TRMU: variants seen among roughly 807,000 people sequenced by gnomAD.
TRMU encodes the protein tRNA mitochondrial 2-thiouridylase.
In TRMU, 49 loss-of-function variants were observed where a neutral mutation model predicts 46.9. The observed-to-expected ratio is 1.05, with a 90% CI of 0.83 to 1.33. TRMU has a LOEUF of 1.33. Ranked by LOEUF, TRMU falls within the 40% of genes most tolerant of loss-of-function variation. TRMU has a pLI of 0.00. For synonymous variants in TRMU, 241 were observed against 200.9 expected, an observed-to-expected ratio of 1.20 and a Z score of -1.69; for missense variants, 572 against 532.4, an observed-to-expected ratio of 1.07 and a Z score of -0.73.
At position 46,348,034 on chromosome 22, in the gene TRMU, A is replaced by G. The variant is rs9615955; in HGVS notation, c.478+1490A>G. 0.067 allele frequency among the ~76,000 whole-genome samples: 10,099 copies of G among 151,718 alleles called. 465 individuals are homozygous for G. The highest frequency in any genetic ancestry group is 0.1 in the Non-Finnish European group (6,880 of 67,796). On this transcript the variant is annotated intron_variant, in intron 4 of 10. Coordinates refer to ENST00000645190, the MANE Select transcript of TRMU (RefSeq NM_018006.5). This position sits in a 1 kb window ranked among gnomAD's most constrained non-coding sequence, Gnocchi z 4.8. ...CCAGAGAAGAGCAGCCCACTCCCGT[A>G]AGACAGCCCCCCATTTCAGGAAGAC...
Position 46,350,246 on chromosome 22 carries a change from A to C in TRMU, c.479-45A>C, listed in dbSNP as rs965717993. 6.2e-7 allele frequency: 1 copy of C among 1,611,880 alleles called. No homozygotes were observed. Among genetic ancestry groups the C allele is most frequent in the Non-Finnish European group, 8.5e-7 (1 of 1,178,208 alleles). On this transcript the variant is annotated intron_variant, in intron 4 of 10. Coordinates refer to ENST00000645190, the MANE Select transcript of TRMU (RefSeq NM_018006.5). This position sits in a 1 kb window ranked among gnomAD's most constrained non-coding sequence, Gnocchi z 4.6. ...AGGACATTGTTGAAAGTGAAGTATC[A>C]TTATTTTTATTCCTGCATCGTCTTT...
chr22:46,338,027 A>T lies in TRMU; in HGVS notation c.248+83A>T. ...AAGGATCCGGTAACCAGCCAGACCG[A>T]CGCCTGTGCTGCAGCCCAGCGCTCT... On this transcript the variant is annotated intron_variant, in intron 2 of 10. Transcript: ENST00000645190. The surrounding 1 kb of genome is among the most constrained non-coding windows in gnomAD (Gnocchi z 4.5). 1.3e-6 allele frequency: 2 copies of T among 1,581,852 alleles called. No individual in the cohort carries two copies. Among genetic ancestry groups the T allele is most frequent in the Non-Finnish European group, 8.7e-7 (1 of 1,152,820 alleles).
chr22:46,346,644 C>T, intron 4 of TRMU, 100 bp downstream of exon 4: 2 of 1,393,398 alleles, frequency 1.4e-6, no homozygotes, highest in Non-Finnish European at 2.0e-6. Context: ...TGCCACCCCT[C>T]CCTCTGTGCT....
At chr22:46,353,544 G>C (rs1050936629) in intron 7 of TRMU, 22 of 474,178 alleles carry the variant, frequency 4.6e-5, no homozygotes, top group African/African-American at 3.9e-4. Context: ...CTTCTTTGTG[G>C]CCACCACACC....
At chr22:46,352,465 G>C in intron 7 of TRMU, 135 bp downstream of exon 7, 1 of 1,074,980 alleles carries the variant, frequency 9.3e-7, no homozygotes, top group East Asian at 2.4e-5. Context: ...TGGGGCGGCC[G>C]GGGGCGGGCA....
intron 10 of TRMU, chr22:46,356,323 C>T (rs572486084): frequency 2.6e-5 from 14 of 543,602 alleles, no homozygotes; most frequent in African/African-American, 3.8e-5. Context: ...AGCTGCTGCC[C>T]GGGCCCCAGA....
rs756758169 is a variant in TRMU at position 46,349,461 on chromosome 22, G to A, written c.479-830G>A. Among the ~76,000 whole-genome samples, 19 of 152,264 alleles carry A rather than the reference G, an allele frequency of 1.2e-4. No individual in the cohort carries two copies. Among genetic ancestry groups the A allele is most frequent in the Non-Finnish European group, 2.5e-4 (17 of 68,050 alleles). On this transcript the variant is annotated intron_variant, in intron 4 of 10. Transcript: ENST00000645190. This position sits in a 1 kb window ranked among gnomAD's most constrained non-coding sequence, Gnocchi z 4.6. ...TGTACACGTGGCTCTGCCAAGCCAG[G>A]AAGGGTAGGTGTGCTGTCTGACCGT...
At position 46,357,294 on chromosome 22, in the gene TRMU, A is replaced by AGAG. The variant is rs1345218556; in HGVS notation, c.*290_*292dup. The AGAG allele has an allele frequency of 1.1e-5, 6 of 538,626 alleles. No individual in the cohort carries two copies. Among genetic ancestry groups the AGAG allele is most frequent in the African/African-American group, 3.8e-5 (2 of 52,376 alleles). 33.4% of individuals were successfully genotyped at this position (538,626 alleles called of 1,614,324 possible). A position where few individuals can be genotyped will look rare whatever the true frequency, so the allele number is the denominator to read the frequency against. On this transcript the variant is annotated 3_prime_UTR_variant, in exon 11 of 11. Coordinates refer to ENST00000645190, the MANE Select transcript of TRMU (RefSeq NM_018006.5). ...CTCAGAGTACACCGAGGGGACCTGC[A>AGAG]GAGGGGGCTGTCGGGACAGCGTGGA... is the stretch of plus-strand genomic sequence containing the variant.
chr22:46,340,251 G>A (rs2078087119), intron 2 of TRMU, among the ~76,000 whole-genome samples: 1 of 152,170 alleles, frequency 6.6e-6, no homozygotes, highest in South Asian at 2.1e-4. Flanking sequence ...ATGCGGCTTA[G>A]GGACTGATGT....
At chr22:46,356,766 AG>A (rs1285177838) in intron 10 of TRMU, 75 bp from the exon 11 acceptor site, 3 of 1,563,918 alleles carry the variant, frequency 1.9e-6, no homozygotes, top group Non-Finnish European at 2.6e-6. Flanking sequence ...CAGGCCCCAT[AG>A]GGGAGCACTC....
chr22:46,352,107 T>A lies in TRMU; in HGVS notation c.652-14T>A. 6.2e-7 allele frequency: 1 copy of A among 1,612,536 alleles called. No individual in the cohort carries two copies. Among genetic ancestry groups the A allele is most frequent in the Non-Finnish European group, 8.5e-7 (1 of 1,180,002 alleles). ...ACTTCTGCTCCTCTCACGGCTGCCG[T>A]CTTCTCATTTCAGAGCATGGGCATG... On this transcript the variant is annotated splice_polypyrimidine_tract_variant and intron_variant, in intron 5 of 10. Coordinates refer to ENST00000645190, the MANE Select transcript of TRMU (RefSeq NM_018006.5).
At chr22:46,345,829 G>A (rs1270400279) in intron 3 of TRMU, among the ~76,000 whole-genome samples, 2 of 150,240 alleles carry the variant, frequency 1.3e-5, no homozygotes, top group African/African-American at 4.9e-5. Context: ...GTGCTGTGGT[G>A]CAGTCTTGGC....
Position 46,357,122 on chromosome 22 carries a change from C to T in TRMU, c.*116C>T, listed in dbSNP as rs2078638117. Reference sequence around the variant, plus strand: ...GCTGCCCAAAGCAGAGGAAGCCGGGCTGGCTGAGGGTCCGAAAAGCCTGCA... The same window carrying T: ...GCTGCCCAAAGCAGAGGAAGCCGGGTTGGCTGAGGGTCCGAAAAGCCTGCA... On this transcript the variant is annotated 3_prime_UTR_variant, in exon 11 of 11. Transcript: ENST00000645190. 2.7e-6 allele frequency: 4 copies of T among 1,470,918 alleles called. No homozygotes were observed. Among genetic ancestry groups the T allele is most frequent in the Admixed American group, 1.9e-5 (1 of 52,254 alleles). 91.1% of individuals were successfully genotyped at this position (1,470,918 alleles called of 1,614,324 possible).
chr22:46,341,930 G>C (rs2078132998), intron 2 of TRMU, among the ~76,000 whole-genome samples: 2 of 152,214 alleles, frequency 1.3e-5, no homozygotes, highest in South Asian at 4.1e-4. Flanking sequence ...GGCTCATGGA[G>C]CCCTTGTGTA....
chr22:46,356,754 G>A, intron 10 of TRMU, 88 bp from the exon 11 acceptor site: 16 of 1,519,160 alleles, frequency 1.1e-5, no homozygotes, highest in Non-Finnish European at 1.4e-5. Context: ...CCGAGCACAG[G>A]CCAGGCCCCA....
chr22:46,357,297 G>A lies in TRMU; in HGVS notation c.*291G>A, dbSNP rs2078644138. 1 of 527,604 alleles carries A rather than the reference G, an allele frequency of 1.9e-6. No homozygotes were observed. The highest frequency in any genetic ancestry group is 3.4e-6 in the Non-Finnish European group (1 of 291,054). The allele number at this position is 527,604 out of a possible 1,614,324, so 32.7% of individuals were successfully genotyped here. On this transcript the variant is annotated 3_prime_UTR_variant, in exon 11 of 11. Coordinates refer to ENST00000645190, the MANE Select transcript of TRMU (RefSeq NM_018006.5). ...AGAGTACACCGAGGGGACCTGCAGA[G>A]GGGGCTGTCGGGACAGCGTGGAATA... is the stretch of plus-strand genomic sequence containing the variant.
At position 46,338,532 on chromosome 22, in the gene TRMU, G is replaced by A. The variant is rs908982346; in HGVS notation, c.248+588G>A. Among the ~76,000 whole-genome samples the A allele has an allele frequency of 2.6e-5, 4 of 152,244 alleles. No individual in the cohort carries two copies. The highest frequency in any genetic ancestry group is 1.3e-4 in the Admixed American group (2 of 15,288). On this transcript the variant is annotated intron_variant, in intron 2 of 10. Transcript: ENST00000645190. The surrounding 1 kb of genome is among the most constrained non-coding windows in gnomAD (Gnocchi z 4.5). ...AAGAGGTGACAGTGATGCGTGGCAC[G>A]CAGGAAGTACCAGTGATGCTATCAG... is the stretch of plus-strand genomic sequence containing the variant.
At chr22:46,356,351 G>T in intron 10 of TRMU, 1 of 507,274 alleles carries the variant, frequency 2.0e-6, no homozygotes, top group South Asian at 2.0e-5. Flanking sequence ...ACAGAAAATG[G>T]AAGGGGCATG....
At chr22:46,354,988 C>T in intron 8 of TRMU, 1 of 218,702 alleles carries the variant, frequency 4.6e-6, no homozygotes, top group South Asian at 6.8e-5. Flanking sequence ...CTACCAGTCC[C>T]TCCTTTCTCC....
Sources: allele counts gnomAD v4.1 joint callset (sites outside exome capture counted in the v4.1 genomes callset), GRCh38; gene constraint gnomAD v4.1.1; non-coding constraint Gnocchi (gnomAD v3.1); transcripts MANE v1.5; gene names NCBI Gene and HGNC (gene_info 2026-07-23, HGNC 2026-07-21).